Variants in ALLC observed in about 807,000 individuals in gnomAD.
The protein encoded by ALLC is probable inactive allantoicase.
In ALLC, 40 loss-of-function variants were observed where a neutral mutation model predicts 45.0. The observed-to-expected ratio is 0.89, with a 90% CI of 0.69 to 1.16. ALLC has a LOEUF of 1.16. Ranked by LOEUF, ALLC falls within the 50% of genes most tolerant of loss-of-function variation. ALLC has a pLI of 0.00. For synonymous variants in ALLC, 176 were observed against 178.1 expected, an observed-to-expected ratio of 0.99 and a Z score of 0.09; for missense variants, 488 against 493.1, an observed-to-expected ratio of 0.99 and a Z score of 0.10.
At chr2:3,689,977 T>C (rs1280970575) in intron 7 of ALLC, among the ~76,000 whole-genome samples, 1 of 148,760 alleles carries the variant, frequency 6.7e-6, no homozygotes, top group Non-Finnish European at 1.5e-5. Flanking sequence ...CTTTGATTTG[T>C]AGTCTATTTT....
intron 7 of ALLC, among the ~76,000 whole-genome samples, chr2:3,693,067 C>A (rs12623808): frequency 0.13 from 19,839 of 152,188 alleles, 1,624 homozygotes; most frequent in African/African-American, 0.23. Context: ...AGAGGGTGTG[C>A]AGGTGAGGTC....
the ALLC span, among the ~76,000 whole-genome samples, chr2:3,652,213 C>A: frequency 1.3e-5 from 2 of 152,176 alleles, no homozygotes; most frequent in Non-Finnish European, 2.9e-5. Flanking sequence ...GCAGCAGGTG[C>A]GGGTGGTTGC....
rs750694861 is a variant in ALLC at position 3,683,012 on chromosome 2, A to G, written c.449A>G (p.His150Arg). The G allele has an allele frequency of 6.2e-7, 1 of 1,614,042 alleles. No individual in the cohort carries two copies. Among genetic ancestry groups the G allele is most frequent in the Admixed American group, 1.7e-5 (1 of 60,032 alleles). ...AAGCCAGGAAACCCTGCTTCCGGCC[A>G]CAACTATTTTCTTGTCAATTCCCAG... ...ELKPGNPASGHNYFLVNSQQR... is the reference protein window; with the variant it reads ...ELKPGNPASGRNYFLVNSQQR... The change falls in exon 7 of 12, where the codon CAC (histidine) becomes CGC (arginine). Residue 150 changes from histidine to arginine, a missense_variant. Physicochemically the swap from His to Arg is conservative, Grantham distance 29. Transcript: ENST00000252505.
chr2:3,667,561 G>A (rs116282803), intron 1 of ALLC, among the ~76,000 whole-genome samples: 3,927 of 152,280 alleles, frequency 0.026, 122 homozygotes, highest in African/African-American at 0.071. Context: ...TCAAAGACGC[G>A]TTCCTTTTCA....
At chr2:3,681,113 G>T (rs191933790) in intron 5 of ALLC, among the ~76,000 whole-genome samples, 4 of 152,282 alleles carry the variant, frequency 2.6e-5, no homozygotes, top group Admixed American at 2.6e-4. Context: ...GGACACGAAC[G>T]GGCCCTGCTC....
At position 3,678,478 on chromosome 2, in the gene ALLC, C is replaced by G. The variant is rs540280415; in HGVS notation, c.95C>G (p.Pro32Arg). ...PAENLIKSDS[P>R]CFKEHEYTEF... ...TGGTCTTTGCCCTAGAGTGACAGCCCGTGCTTCAAAGAGCATGAATATACG... is the reference window on the plus strand; with the variant it reads ...TGGTCTTTGCCCTAGAGTGACAGCCGGTGCTTCAAAGAGCATGAATATACG... Residue 32 changes from proline (P) to arginine (R), a missense_variant, in exon 4 of 12, where the codon CCG (proline) becomes CGG (arginine). By Grantham distance (103) the Pro-to-Arg change is moderately radical (BLOSUM62 -2). Transcript: ENST00000252505. The G allele has an allele frequency of 2.6e-5, 42 of 1,613,734 alleles. No homozygotes were observed. The South Asian group carries it at 4.3e-4, about 16-fold the overall frequency.
intron 1 of ALLC, among the ~76,000 whole-genome samples, chr2:3,666,355 G>A (rs563259570): frequency 1.4e-4 from 21 of 152,338 alleles, no homozygotes; most frequent in African/African-American, 4.6e-4. Context: ...TCACACAGTC[G>A]GCAAGCCTCT....
Position 3,702,440 on chromosome 2 carries a change from C to T in ALLC, c.1053C>T (p.Thr351=), listed in dbSNP as rs1667885630. The T allele has an allele frequency of 1.9e-6, 3 of 1,612,858 alleles. No homozygotes were observed. The highest frequency in any genetic ancestry group is 2.2e-5 in the South Asian group (2 of 91,018). The change falls in exon 12 of 12, where the codon ACC becomes ACT. Residue 351 remains threonine, a synonymous_variant. Coordinates refer to ENST00000252505, the MANE Select transcript of ALLC (RefSeq NM_018436.4). Reference sequence around the variant, plus strand: ...ATGTCATCACTCACGCCAGGCTCACCATCGTCCCCGACGGGGGAGTGAGCC... The same window carrying T: ...ATGTCATCACTCACGCCAGGCTCACTATCGTCCCCGACGGGGGAGTGAGCC... ...LQDVITHARL[T]IVPDGGVSRL...
the ALLC span, among the ~76,000 whole-genome samples, chr2:3,646,076 T>G: frequency 6.6e-6 from 1 of 151,186 alleles, no homozygotes; most frequent in Non-Finnish European, 1.5e-5. Context: ...GAAAATAGAG[T>G]GTCTCGTTCT....
intron 7 of ALLC, 64 bp from the exon 8 acceptor site, chr2:3,695,653 T>C: frequency 6.3e-7 from 1 of 1,585,880 alleles, no homozygotes; most frequent in Non-Finnish European, 8.6e-7. Context: ...AGGAGGGTCC[T>C]GTAGTGTATG....
chr2:3,693,808 G>T (rs1572530446), intron 7 of ALLC, among the ~76,000 whole-genome samples: 1 of 152,036 alleles, frequency 6.6e-6, no homozygotes, highest in Non-Finnish European at 1.5e-5. Context: ...GCCAACATGG[G>T]GAAACCTTGT....
chr2:3,669,410 G>A (rs1666806408), intron 1 of ALLC, among the ~76,000 whole-genome samples: 1 of 152,128 alleles, frequency 6.6e-6, no homozygotes, highest in Non-Finnish European at 1.5e-5. Flanking sequence ...GGAGGCGGCG[G>A]TTGCAGTGAG....
the ALLC span, among the ~76,000 whole-genome samples, chr2:3,650,078 C>A: frequency 6.6e-6 from 1 of 152,246 alleles, no homozygotes; most frequent in Non-Finnish European, 1.5e-5. Flanking sequence ...GGTCTTCACC[C>A]CTTTCTCCCC....
chr2:3,684,012 G>A (rs545333332), intron 7 of ALLC, among the ~76,000 whole-genome samples: 1 of 152,294 alleles, frequency 6.6e-6, no homozygotes, highest in Non-Finnish European at 1.5e-5. Context: ...ACAGACACTT[G>A]TTTCCATCTG....
At chr2:3,649,084 C>T in the ALLC span, among the ~76,000 whole-genome samples, 2 of 152,104 alleles carry the variant, frequency 1.3e-5, no homozygotes, top group South Asian at 2.1e-4. Flanking sequence ...GAAACGGCAA[C>T]ACACGTCATA....
At chr2:3,690,514 T>C (rs1301933226) in intron 7 of ALLC, among the ~76,000 whole-genome samples, 1 of 143,454 alleles carries the variant, frequency 7.0e-6, no homozygotes, top group Non-Finnish European at 1.5e-5. Flanking sequence ...TTTTCTCTGA[T>C]AGTATGTTTT....
chr2:3,672,283 G>A (rs373676769), intron 2 of ALLC, among the ~76,000 whole-genome samples: 3 of 116,980 alleles, frequency 2.6e-5, no homozygotes, highest in Middle Eastern at 5.1e-3. Context: ...TTAGATGGGA[G>A]GTCCTCTGGC....
intron 6 of ALLC, among the ~76,000 whole-genome samples, chr2:3,682,677 C>T (rs184988257): frequency 9.2e-5 from 14 of 152,270 alleles, no homozygotes; most frequent in East Asian, 7.7e-4. Context: ...AGGCGCCCGC[C>T]ACCACGCCCG....
intron 3 of ALLC, 64 bp downstream of exon 3, chr2:3,674,189 A>AT: frequency 1.7e-6 from 2 of 1,201,718 alleles, no homozygotes; most frequent in Middle Eastern, 2.0e-4. Flanking sequence ...CCGCCTTGTT[A>AT]TTAAAATCTC....
Sources: gnomAD v4.1 joint callset for allele counts (sites outside exome capture counted in the v4.1 genomes callset) on GRCh38, gnomAD v4.1.1 for gene constraint, MANE v1.5 for transcripts, NCBI Gene and HGNC (gene_info 2026-07-23, HGNC 2026-07-21) for gene names.